KNDC1: variants seen among roughly 807,000 people sequenced by gnomAD.
KNDC1 encodes kinase non-catalytic C-lobe domain-containing protein 1.
In KNDC1, 106 loss-of-function variants were observed where a neutral mutation model predicts 172.8. That is an observed-to-expected ratio of 0.61 (90% CI 0.52 to 0.72). KNDC1 has a LOEUF of 0.72. KNDC1 is among the 30% of genes least tolerant of loss of function. The probability of loss-of-function intolerance (pLI) is 0.00; values close to 1 mark genes in which losing one functional copy is unlikely to be tolerated. For synonymous variants in KNDC1, 1,083 were observed against 1,062.2 expected (o/e 1.02, Z -0.38); for missense variants, 2,325 against 2,394.5 (o/e 0.97, Z 0.61).
intron 9 of KNDC1, among the ~76,000 whole-genome samples, chr10:133,191,848 G>A (rs1854078496): frequency 1.3e-5 from 2 of 152,258 alleles, no homozygotes; most frequent in Non-Finnish European, 2.9e-5. Context: ...GCCGAGCCTG[G>A]AGCCTGGACT....
intron 26 of KNDC1, among the ~76,000 whole-genome samples, chr10:133,216,020 G>C (rs1845463612): frequency 6.6e-6 from 1 of 152,276 alleles, no homozygotes. Flanking sequence ...ACAAGTGTTA[G>C]AGCCACGATG....
At chr10:133,188,715 C>A in intron 7 of KNDC1, 62 bp downstream of exon 7, 2 of 819,640 alleles carry the variant, frequency 2.4e-6, no homozygotes, top group South Asian at 1.6e-5. Context: ...TTCCACCCCC[C>A]ACCGCCGTCC....
At chr10:133,169,911 G>A (rs867827224) in intron 3 of KNDC1, among the ~76,000 whole-genome samples, 8 of 152,356 alleles carry the variant, frequency 5.3e-5, no homozygotes, top group Admixed American at 1.3e-4. Context: ...TGGTTCCCCC[G>A]TGGGACTCGC....
intron 10 of KNDC1, 54 bp from the exon 11 acceptor site, chr10:133,197,004 G>T: frequency 1.4e-6 from 2 of 1,406,712 alleles, no homozygotes; most frequent in Non-Finnish European, 2.0e-6. Context: ...ACACGGGGAC[G>T]GTGCAGCCGT....
At chr10:133,221,257 C>T (rs995962991) in intron 29 of KNDC1, among the ~76,000 whole-genome samples, 3 of 152,098 alleles carry the variant, frequency 2.0e-5, no homozygotes, top group African/African-American at 7.2e-5. Context: ...TCAGCCTGTT[C>T]CTGTGGTCCT....
At chr10:133,210,573 C>G in intron 20 of KNDC1, 38 bp from the exon 21 acceptor site, 2 of 1,298,062 alleles carry the variant, frequency 1.5e-6, no homozygotes, top group Non-Finnish European at 2.2e-6. Flanking sequence ...GGGGTGCGGC[C>G]ACCCCACCAC....
chr10:133,168,702 G>GA (rs1416217079), intron 3 of KNDC1, among the ~76,000 whole-genome samples: 2 of 152,234 alleles, frequency 1.3e-5, no homozygotes, highest in Non-Finnish European at 2.9e-5. Context: ...GATCGGCAGG[G>GA]AATCACAGCT....
intron 9 of KNDC1, among the ~76,000 whole-genome samples, chr10:133,193,011 C>T (rs1225105078): frequency 1.3e-5 from 2 of 151,994 alleles, no homozygotes; most frequent in Non-Finnish European, 2.9e-5. Context: ...AGTCAAACCT[C>T]TGAATACTAA....
rs142358597 is a variant in KNDC1 at position 133,213,023 on chromosome 10, A to G, written c.4443+101A>G. Reference sequence around the variant, plus strand: ...TCAGCGGCTGCTTCCAGAGGAACAGACGGGCAGAGAAGGGGCCAGCTGCCA... The same window carrying G: ...TCAGCGGCTGCTTCCAGAGGAACAGGCGGGCAGAGAAGGGGCCAGCTGCCA... On this transcript the variant is annotated intron_variant, in intron 24 of 29. Coordinates refer to ENST00000304613, the MANE Select transcript of KNDC1 (RefSeq NM_152643.8). 10,850 of 1,087,566 alleles carry G rather than the reference A, an allele frequency of 1.0e-2. 116 individuals carry two copies. Among genetic ancestry groups the G allele is most frequent in the Middle Eastern group, 0.043 (158 of 3,694 alleles). 67.4% of individuals were successfully genotyped at this position (1,087,566 alleles called of 1,614,324 possible).
intron 5 of KNDC1, 65 bp downstream of exon 5, chr10:133,184,054 C>T (rs182840296): frequency 2.0e-5 from 19 of 928,284 alleles, no homozygotes; most frequent in Admixed American, 1.6e-4. Context: ...TGTATGCACA[C>T]GTGCACATGC....
chr10:133,178,071 T>A (rs1156735052), intron 3 of KNDC1, among the ~76,000 whole-genome samples: 4 of 150,602 alleles, frequency 2.7e-5, no homozygotes, highest in Non-Finnish European at 4.4e-5. Context: ...GTAGCGTGCA[T>A]GTGTGTGCAG....
Position 133,163,631 on chromosome 10 carries a change from G to A in KNDC1, c.102+3062G>A, listed in dbSNP as rs1019298645. ...TCCCACGGCTGAAAAAAATCAGTTG[G>A]TCATAAGACAGTGTATTTCAAATGC... On this transcript the variant is annotated intron_variant, in intron 1 of 29. Transcript: ENST00000304613. This position sits in a 1 kb window ranked among gnomAD's most constrained non-coding sequence, Gnocchi z 4.4. Among the ~76,000 whole-genome samples the A allele has an allele frequency of 2.0e-5, 3 of 152,158 alleles. No individual in the cohort carries two copies. Among genetic ancestry groups the A allele is most frequent in the African/African-American group, 7.2e-5 (3 of 41,430 alleles).
Position 133,213,722 on chromosome 10 carries a change from C to A in KNDC1, c.4521C>A (p.Ile1507=), listed in dbSNP as rs746135683. 1.9e-6 allele frequency: 3 copies of A among 1,613,804 alleles called. No homozygotes were observed. The highest frequency in any genetic ancestry group is 2.7e-5 in the African/African-American group (2 of 74,914). The part of the protein sequence containing the change: ...ALGVMDKSTA[I]PKASSSESLS... ...GCGTCATGGACAAGAGCACTGCCATCCCCAAGTGAGCGTCCGGGACCCTCA... is the reference window on the plus strand; with the variant it reads ...GCGTCATGGACAAGAGCACTGCCATACCCAAGTGAGCGTCCGGGACCCTCA... Residue 1507 remains isoleucine (I), a synonymous_variant, in exon 25 of 30, where the codon ATC becomes ATA. Coordinates refer to ENST00000304613, the MANE Select transcript of KNDC1 (RefSeq NM_152643.8).
chr10:133,200,651 C>T (rs895480632), intron 16 of KNDC1, among the ~76,000 whole-genome samples, 191 bp downstream of exon 16: 1 of 152,058 alleles, frequency 6.6e-6, no homozygotes, highest in Non-Finnish European at 1.5e-5. Flanking sequence ...CCGCCCTCTC[C>T]TGGGGGTGCC....
Position 133,167,472 on chromosome 10 carries a change from C to A in KNDC1, c.194C>A (p.Ser65Tyr). The change falls in exon 2 of 30, where the codon TCC becomes TAC. Residue 65 changes from serine (S) to tyrosine (Y), a missense_variant. Transcript: ENST00000304613. ...AWAVCLECSL[S>Y]MRSVAHAAIF... is the part of the protein sequence containing the mutation. ...GCCGTGTGCCTGGAGTGCAGCCTGTCCATGCGGAGCGTGGCCCACGCCGCC... is the reference window on the plus strand; with the variant it reads ...GCCGTGTGCCTGGAGTGCAGCCTGTACATGCGGAGCGTGGCCCACGCCGCC... 1 of 1,606,590 alleles carries A rather than the reference C, an allele frequency of 6.2e-7. No individual in the cohort carries two copies. The highest frequency in any genetic ancestry group is 1.3e-5 in the African/African-American group (1 of 75,010).
intron 5 of KNDC1, among the ~76,000 whole-genome samples, chr10:133,185,422 GTAGGCAGTGTGTGCAGTGTGGAA>G (rs1853867613): frequency 5.1e-4 from 49 of 95,850 alleles, no homozygotes; most frequent in Admixed American, 1.2e-3. Flanking sequence ...GCAGTGTGGA[GTAGGCAGTGTGTGCAGTGTGGAA>G]TAGGCAGTGT....
chr10:133,203,030 C>T (rs559877038), intron 17 of KNDC1, among the ~76,000 whole-genome samples: 22 of 151,808 alleles, frequency 1.4e-4, no homozygotes, highest in Non-Finnish European at 2.8e-4. Context: ...CGCCCCCAAA[C>T]GCATGGCGTC....
intron 26 of KNDC1, among the ~76,000 whole-genome samples, chr10:133,217,547 C>T (rs1202473238): frequency 6.6e-6 from 1 of 152,020 alleles, no homozygotes; most frequent in Non-Finnish European, 1.5e-5. Context: ...ATGGTGAAAC[C>T]CCATCTCTAC....
At chr10:133,162,346 C>T (rs905273200) in intron 1 of KNDC1, among the ~76,000 whole-genome samples, 3 of 152,150 alleles carry the variant, frequency 2.0e-5, no homozygotes, top group African/African-American at 4.8e-5. Context: ...GGTGAGGGCA[C>T]GGTGAGGTTG....
Sources: gnomAD v4.1 joint callset for allele counts (sites outside exome capture counted in the v4.1 genomes callset) on GRCh38, gnomAD v4.1.1 for gene constraint, Gnocchi (gnomAD v3.1) non-coding constraint, MANE v1.5 for transcripts, NCBI Gene and HGNC (gene_info 2026-07-23, HGNC 2026-07-21) for gene names.